Variants in ARFGEF3 observed in about 807,000 individuals in gnomAD.
ARFGEF3 encodes the protein ARFGEF family member 3, also known as brefeldin A-inhibited guanine nucleotide-exchange protein 3.
A neutral mutation model predicts 221.7 loss-of-function variants in ARFGEF3; 96 were observed. The observed-to-expected ratio is 0.43, with a 90% confidence interval of 0.37 to 0.51. ARFGEF3 has a LOEUF of 0.51. ARFGEF3 is among the 20% of genes least tolerant of loss of function. The pLI is 0.00. For synonymous variants in ARFGEF3, 1,145 were observed against 1,126.8 expected, an observed-to-expected ratio of 1.02 and a Z score of -0.32; for missense variants, 2,410 against 2,789.9, an observed-to-expected ratio of 0.86 and a Z score of 3.07.
intron 24 of ARFGEF3, among the ~76,000 whole-genome samples, chr6:138,309,063 T>C (rs537134286): frequency 6.6e-6 from 1 of 152,376 alleles, no homozygotes; most frequent in African/African-American, 2.4e-5. Flanking sequence ...CTTTTCATTG[T>C]ATTCATGGAA....
chr6:138,321,981 A>C (rs1780037620), intron 29 of ARFGEF3, among the ~76,000 whole-genome samples: 1 of 152,224 alleles, frequency 6.6e-6, no homozygotes, highest in Non-Finnish European at 1.5e-5. Context: ...GGTGGCAGGC[A>C]AAGAGAGAGC....
chr6:138,200,169 A>G (rs185816575), intron 2 of ARFGEF3, among the ~76,000 whole-genome samples: 1 of 152,252 alleles, frequency 6.6e-6, no homozygotes, highest in Non-Finnish European at 1.5e-5. Context: ...TTTATATGGT[A>G]TATCACATTT....
chr6:138,287,479 C>T (rs1779318885), intron 17 of ARFGEF3, among the ~76,000 whole-genome samples: 1 of 152,228 alleles, frequency 6.6e-6, no homozygotes, highest in Non-Finnish European at 1.5e-5. Flanking sequence ...CATCTAGTCA[C>T]TGGCTTTGGC....
chr6:138,213,927 G>C (rs1042251279), intron 4 of ARFGEF3, among the ~76,000 whole-genome samples: 8 of 152,136 alleles, frequency 5.3e-5, no homozygotes, highest in Non-Finnish European at 1.2e-4. Flanking sequence ...GACTTTGATA[G>C]GTCACAAGTG....
chr6:138,264,624 CAT>C (rs1296744668), intron 12 of ARFGEF3, among the ~76,000 whole-genome samples: 1 of 152,202 alleles, frequency 6.6e-6, no homozygotes, highest in Non-Finnish European at 1.5e-5. Context: ...TTATCACAGT[CAT>C]GTGTTAATGC....
At chr6:138,269,369 C>T (rs779428916) in intron 12 of ARFGEF3, among the ~76,000 whole-genome samples, 1 of 152,254 alleles carries the variant, frequency 6.6e-6, no homozygotes, top group Non-Finnish European at 1.5e-5. Flanking sequence ...GTGGTTTAAA[C>T]ACCTCAAAAG....
At chr6:138,280,846 T>C (rs888177783) in intron 14 of ARFGEF3, among the ~76,000 whole-genome samples, 1 of 152,168 alleles carries the variant, frequency 6.6e-6, no homozygotes, top group Non-Finnish European at 1.5e-5. Flanking sequence ...AGCAAGACCC[T>C]GTCTCAAAAC....
chr6:138,170,849 A>G lies in ARFGEF3; in HGVS notation c.137+136A>G. 5 of 568,062 alleles carry G rather than the reference A, an allele frequency of 8.8e-6. No individual in the cohort carries two copies. In the South Asian group the frequency reaches 1.3e-4, roughly 15 times the overall value. 35.2% of individuals were successfully genotyped at this position (568,062 alleles called of 1,614,324 possible). ...GAATACTACAGACTGGGTGATTTAT[A>G]ATGAACAGAGATTTATTAGTTCATG... On this transcript the variant is annotated intron_variant, in intron 2 of 33. Coordinates refer to ENST00000251691, the MANE Select transcript of ARFGEF3 (RefSeq NM_020340.5).
At chr6:138,188,983 T>A (rs1199458281) in intron 2 of ARFGEF3, among the ~76,000 whole-genome samples, 1 of 152,230 alleles carries the variant, frequency 6.6e-6, no homozygotes, top group Non-Finnish European at 1.5e-5. Context: ...GAGAAGTTGC[T>A]GTTTATGGGA....
At chr6:138,201,054 G>A (rs755214364) in intron 2 of ARFGEF3, among the ~76,000 whole-genome samples, 38 of 152,008 alleles carry the variant, frequency 2.5e-4, no homozygotes, top group Non-Finnish European at 1.6e-4. Flanking sequence ...ACAAATGGCC[G>A]ACAAACATAC....
chr6:138,243,504 G>GA (rs1778429810), intron 7 of ARFGEF3, among the ~76,000 whole-genome samples: 1 of 151,952 alleles, frequency 6.6e-6, no homozygotes, highest in South Asian at 2.1e-4. Context: ...CACAGGAAAA[G>GA]AAAAAATATA....
chr6:138,242,987 G>A lies in ARFGEF3; in HGVS notation c.579G>A (p.Gly193=). 1 of 1,612,026 alleles carries A rather than the reference G, an allele frequency of 6.2e-7. No homozygotes were observed. Among genetic ancestry groups the A allele is most frequent in the South Asian group, 1.1e-5 (1 of 90,706 alleles). Residue 193 remains glycine (G), a synonymous_variant, in exon 7 of 34, where the codon GGG becomes GGA. Transcript: ENST00000251691. ...IENPDVPQDF[G]NQGSTVESLC... is the part of the protein sequence containing the mutation. ...ACCCAGATGTCCCACAGGATTTCGG[G>A]AATCAAGGTATGGCATTTGATTTGT...
chr6:138,267,865 A>G (rs1778926115), intron 12 of ARFGEF3, among the ~76,000 whole-genome samples: 1 of 152,260 alleles, frequency 6.6e-6, no homozygotes, highest in African/African-American at 2.4e-5. Context: ...CATTGAAAAG[A>G]GACTTCACAA....
intron 4 of ARFGEF3, among the ~76,000 whole-genome samples, chr6:138,229,283 G>A (rs1057215154): frequency 1.3e-5 from 2 of 152,156 alleles, no homozygotes; most frequent in African/African-American, 4.8e-5. Flanking sequence ...ACATGGAGTC[G>A]GATTACTTGA....
intron 2 of ARFGEF3, among the ~76,000 whole-genome samples, chr6:138,201,963 T>C (rs1011187930): frequency 2.0e-5 from 3 of 152,234 alleles, no homozygotes; most frequent in African/African-American, 4.8e-5. Flanking sequence ...CTGTTAACCA[T>C]GACTATGCAG....
intron 12 of ARFGEF3, among the ~76,000 whole-genome samples, chr6:138,264,374 A>G (rs1325325473): frequency 1.3e-5 from 2 of 152,220 alleles, no homozygotes; most frequent in African/African-American, 2.4e-5. Flanking sequence ...TAATGGGTAC[A>G]TAAAATTTAT....
chr6:138,240,459 A>T (rs1180909571), intron 6 of ARFGEF3, among the ~76,000 whole-genome samples: 1 of 152,156 alleles, frequency 6.6e-6, no homozygotes, highest in Non-Finnish European at 1.5e-5. Flanking sequence ...CAAATATCCC[A>T]GCCTTTTAGC....
At chr6:138,234,789 A>T (rs562432590) in intron 5 of ARFGEF3, among the ~76,000 whole-genome samples, 1 of 152,142 alleles carries the variant, frequency 6.6e-6, no homozygotes, top group Non-Finnish European at 1.5e-5. Context: ...TTTCATCCTT[A>T]TAAAAGTTTC....
intron 10 of ARFGEF3, among the ~76,000 whole-genome samples, chr6:138,260,197 A>T (rs1438010487): frequency 6.6e-6 from 1 of 152,220 alleles, no homozygotes; most frequent in Non-Finnish European, 1.5e-5. Flanking sequence ...GTCAACAAAA[A>T]GTGGAAGCTT....
Sources: gnomAD v4.1 joint callset for allele counts (sites outside exome capture counted in the v4.1 genomes callset) on GRCh38, gnomAD v4.1.1 for gene constraint, MANE v1.5 for transcripts, NCBI Gene and HGNC (gene_info 2026-07-23, HGNC 2026-07-21) for gene names.